The following ADD1 variants were observed in gnomAD, a reference collection of about 807,000 sequenced individuals.
The protein encoded by ADD1 is alpha-adducin.
A neutral mutation model predicts 80.5 loss-of-function variants in ADD1; 24 were observed. That is an observed-to-expected ratio of 0.30 (90% CI 0.22 to 0.42). ADD1 has a LOEUF of 0.42. Among genes scored for constraint, ADD1 ranks in the 10% least tolerant of loss-of-function variants. The pLI, the probability that ADD1 is intolerant of heterozygous loss-of-function variation, is 1.00. For missense variants in ADD1, 948 were observed against 1,019.0 expected (o/e 0.93, Z 0.95); for synonymous variants, 373 against 393.8 (o/e 0.95, Z 0.63).
Position 2,928,760 on chromosome 4 carries a change from T to G in ADD1, c.*237T>G. 2.0e-6 allele frequency: 1 copy of G among 507,760 alleles called. No homozygotes were observed. Among genetic ancestry groups the G allele is most frequent in the East Asian group, 3.7e-5 (1 of 27,326 alleles). 31.5% of individuals were successfully genotyped at this position (507,760 alleles called of 1,614,324 possible). On this transcript the variant is annotated 3_prime_UTR_variant, in exon 16 of 16. Transcript: ENST00000683351. ...CTCAGCTTCTGGGGGAGACATGCTCTCCCCACAGGGGGGAGGCACTAAGTC... is the reference window on the plus strand; with the variant it reads ...CTCAGCTTCTGGGGGAGACATGCTCGCCCCACAGGGGGGAGGCACTAAGTC...
chr4:2,881,852 G>C (rs1413124213), intron 2 of ADD1, 46 bp from the exon 3 acceptor site: 3 of 1,533,814 alleles, frequency 2.0e-6, no homozygotes, highest in East Asian at 2.4e-5. Flanking sequence ...CCTGCCCAAG[G>C]AACAGAAAAT....
intron 4 of ADD1, chr4:2,887,447 TG>T (rs1733567814): frequency 9.0e-6 from 1 of 111,006 alleles, no homozygotes; most frequent in East Asian, 3.0e-4. Context: ...GAGAAGTGTT[TG>T]TGGGGGCTGG....
chr4:2,911,886 TCAC>T (rs1280271786), intron 13 of ADD1, among the ~76,000 whole-genome samples: 1 of 152,244 alleles, frequency 6.6e-6, no homozygotes, highest in African/African-American at 2.4e-5. Context: ...CATGTGCACC[TCAC>T]CAGGGGCTGT....
Position 2,928,715 on chromosome 4 carries a change from GC to G in ADD1, c.*196del, listed in dbSNP as rs1712434851. On this transcript the variant is annotated 3_prime_UTR_variant, in exon 16 of 16. Transcript: ENST00000683351. The stretch of plus-strand genomic sequence containing the variant: ...GTGCTCAGCAGCCCCACCCCACCCT[GC>G]CCCTTGTCCTCTCAGAGCCTCAGCT... The G allele has an allele frequency of 1.8e-6, 1 of 561,606 alleles. No homozygotes were observed. Among genetic ancestry groups the G allele is most frequent in the Non-Finnish European group, 3.0e-6 (1 of 331,636 alleles). 34.8% of individuals were successfully genotyped at this position (561,606 alleles called of 1,614,324 possible).
Position 2,915,102 on chromosome 4 carries a change from T to C in ADD1, c.1948+62T>C, listed in dbSNP as rs563021137. On this transcript the variant is annotated intron_variant, in intron 14 of 15. Transcript: ENST00000683351. ...AGGTGAAAGTGCTCTGGGAGCTTCT[T>C]TGTGGTCCAGGTGCTGGCTGTGGGT... 7 of 1,520,842 alleles carry C rather than the reference T, an allele frequency of 4.6e-6. No homozygotes were observed. The South Asian group carries it at 6.4e-5, about 14-fold the overall frequency. The allele number at this position is 1,520,842 out of a possible 1,614,324, so 94.2% of individuals were successfully genotyped here.
intron 4 of ADD1, 104 bp from the exon 5 acceptor site, chr4:2,893,909 A>G: frequency 7.8e-6 from 8 of 1,030,088 alleles, no homozygotes; most frequent in East Asian, 2.4e-5. Flanking sequence ...GCTTCCCTGC[A>G]TAGCTCACTC....
At chr4:2,893,746 C>G (rs1734696539) in intron 4 of ADD1, among the ~76,000 whole-genome samples, 1 of 152,130 alleles carries the variant, frequency 6.6e-6, no homozygotes, top group South Asian at 2.1e-4. Flanking sequence ...ATTGACCTGT[C>G]AGAAGGCTAG....
intron 8 of ADD1, 34 bp from the exon 9 acceptor site, chr4:2,899,225 G>A: frequency 6.3e-7 from 1 of 1,580,058 alleles, no homozygotes; most frequent in Non-Finnish European, 8.6e-7. Context: ...TCTCAGTAAG[G>A]AACTCAAGCC....
intron 14 of ADD1, among the ~76,000 whole-genome samples, chr4:2,923,371 G>C (rs1379493838): frequency 6.6e-6 from 1 of 152,210 alleles, no homozygotes; most frequent in Non-Finnish European, 1.5e-5. Flanking sequence ...GTCCCTCATG[G>C]CTTCCCTTGG....
chr4:2,908,826 C>G, intron 12 of ADD1: 1 of 574,272 alleles, frequency 1.7e-6, no homozygotes, highest in Non-Finnish European at 3.1e-6. Context: ...TGGTCATGCC[C>G]CTTGTAATGC....
intron 9 of ADD1, chr4:2,901,603 A>T (rs898762645): frequency 6.6e-6 from 1 of 152,184 alleles, no homozygotes; most frequent in Non-Finnish European, 1.5e-5. Flanking sequence ...GTTGGCATAT[A>T]TGTTGTTTGC....
chr4:2,879,684 G>C (rs533530071), intron 2 of ADD1, among the ~76,000 whole-genome samples: 2 of 151,936 alleles, frequency 1.3e-5, no homozygotes, highest in South Asian at 4.2e-4. Flanking sequence ...GTGCAGTGGC[G>C]TGATCTCGGC....
chr4:2,877,546 G>A (rs1225154400), intron 2 of ADD1, among the ~76,000 whole-genome samples: 1 of 151,872 alleles, frequency 6.6e-6, no homozygotes, highest in Non-Finnish European at 1.5e-5. Context: ...AAACAATAAA[G>A]AACAAGCAGG....
intron 8 of ADD1, chr4:2,898,763 G>C: frequency 1.9e-6 from 1 of 528,120 alleles, no homozygotes; most frequent in South Asian, 2.1e-5. Context: ...AAATATGTCA[G>C]TCACTACCAT....
chr4:2,925,419 A>G (rs544728304), intron 14 of ADD1, among the ~76,000 whole-genome samples: 1 of 152,362 alleles, frequency 6.6e-6, no homozygotes, highest in African/African-American at 2.4e-5. Context: ...GTGCTGGTCC[A>G]TATTTTCCCC....
chr4:2,917,701 G>C (rs1401451282), intron 14 of ADD1, among the ~76,000 whole-genome samples: 1 of 152,152 alleles, frequency 6.6e-6, no homozygotes, highest in Non-Finnish European at 1.5e-5. Context: ...ATTTTTGTAT[G>C]AGGTGTAAGG....
intron 14 of ADD1, among the ~76,000 whole-genome samples, chr4:2,919,069 G>A (rs1739565662): frequency 6.6e-6 from 1 of 152,018 alleles, no homozygotes; most frequent in Admixed American, 6.6e-5. Context: ...TCGATCTCCT[G>A]ACCTTGTGAT....
At chr4:2,886,108 T>G (rs1226536657) in intron 4 of ADD1, among the ~76,000 whole-genome samples, 5 of 152,240 alleles carry the variant, frequency 3.3e-5, no homozygotes, top group Non-Finnish European at 4.4e-5. Flanking sequence ...GTATCAAGTG[T>G]ACCTTATGCA....
intron 1 of ADD1, among the ~76,000 whole-genome samples, chr4:2,869,178 G>GTGCCA (rs1180516326): frequency 1.3e-5 from 2 of 152,130 alleles, no homozygotes; most frequent in Non-Finnish European, 2.9e-5. Context: ...CTGTAACAAA[G>GTGCCA]TGCCACAGAC....
Sources: gnomAD v4.1 joint callset for allele counts (sites outside exome capture counted in the v4.1 genomes callset) on GRCh38, gnomAD v4.1.1 for gene constraint, MANE v1.5 for transcripts, NCBI Gene and HGNC (gene_info 2026-07-23, HGNC 2026-07-21) for gene names.